Variants in SLCO3A1 observed in about 807,000 individuals in gnomAD.
SLCO3A1 encodes the protein solute carrier organic anion transporter family member 3A1, also known as PGE1 transporter.
In SLCO3A1, 27 loss-of-function variants were observed where a neutral mutation model predicts 63.1. The ratio of observed to expected loss-of-function variants is 0.43; its 90% CI spans 0.32 to 0.59. The LOEUF (loss-of-function observed/expected upper bound fraction) is 0.59. Among genes scored for constraint, SLCO3A1 ranks in the 20% least tolerant of loss-of-function variants. The pLI, the probability that SLCO3A1 is intolerant of heterozygous loss-of-function variation, is 0.09. For synonymous variants in SLCO3A1, 473 were observed against 409.9 expected (o/e 1.15, Z -1.86); for missense variants, 773 against 945.8 (o/e 0.82, Z 2.40).
At chr15:92,124,724 A>G (rs1326093602) in intron 5 of SLCO3A1, among the ~76,000 whole-genome samples, 1 of 152,198 alleles carries the variant, frequency 6.6e-6, no homozygotes, top group East Asian at 1.9e-4. Flanking sequence ...CCATGAAAAC[A>G]GTATGGAATC....
At chr15:92,157,796 G>T (rs1340415862) in intron 9 of SLCO3A1, among the ~76,000 whole-genome samples, 2 of 152,064 alleles carry the variant, frequency 1.3e-5, no homozygotes, top group African/African-American at 2.4e-5. Context: ...TTTTTGGAGC[G>T]CCCACCCTGT....
At chr15:92,124,848 A>C (rs897074755) in intron 5 of SLCO3A1, among the ~76,000 whole-genome samples, 1 of 152,184 alleles carries the variant, frequency 6.6e-6, no homozygotes, top group African/African-American at 2.4e-5. Flanking sequence ...AGGGAACTGC[A>C]CGTGCAAAGC....
chr15:92,064,635 C>T (rs976016640), intron 2 of SLCO3A1, among the ~76,000 whole-genome samples: 1 of 152,166 alleles, frequency 6.6e-6, no homozygotes, highest in Admixed American at 6.5e-5. Context: ...TAGTACCCAT[C>T]AACGGATGAA....
At chr15:91,969,819 G>C (rs139080098) in intron 2 of SLCO3A1, among the ~76,000 whole-genome samples, 394 of 152,246 alleles carry the variant, frequency 2.6e-3, no homozygotes, top group African/African-American at 8.9e-3. Flanking sequence ...TGGTTTCCTG[G>C]TGGCGGGGGC....
intron 9 of SLCO3A1, chr15:92,162,497 CTG>C (rs1491429819): frequency 8.4e-6 from 4 of 477,212 alleles, no homozygotes; most frequent in Admixed American, 3.9e-5. Context: ...CTGGTGAAGA[CTG>C]TAGTATTATC....
rs560204846 is a variant in SLCO3A1, at chr15:91,942,601, C to T, written c.646+26143C>T. Among the ~76,000 whole-genome samples, 6 of 152,002 alleles carry T rather than the reference C, an allele frequency of 3.9e-5. No homozygotes were observed. The highest frequency in any genetic ancestry group is 3.4e-3 in the Middle Eastern group (1 of 294). On this transcript the variant is annotated intron_variant, in intron 2 of 9. Transcript: ENST00000318445. The surrounding 1 kb of genome is among the most constrained non-coding windows in gnomAD (Gnocchi z 4.1). ...TGTTTGTTTGTTTGTTTGTTTGTTT[C>T]GAGACCGAGTCTTGCTCTGTCGACC...
chr15:92,162,727 G>C, intron 9 of SLCO3A1, 29 bp from the exon 10 acceptor site: 8 of 1,587,606 alleles, frequency 5.0e-6, no homozygotes, highest in Non-Finnish European at 6.9e-6. Flanking sequence ...ACCAGATCCA[G>C]AACCTTAACA....
At chr15:91,938,901 G>A (rs745758732) in intron 2 of SLCO3A1, among the ~76,000 whole-genome samples, 18 of 152,170 alleles carry the variant, frequency 1.2e-4, no homozygotes, top group Non-Finnish European at 1.9e-4. Context: ...ATCCTAGTCC[G>A]GAGAAGTTGG....
chr15:92,091,759 G>A (rs1172023820), intron 2 of SLCO3A1, among the ~76,000 whole-genome samples: 1 of 152,220 alleles, frequency 6.6e-6, no homozygotes, highest in Non-Finnish European at 1.5e-5. Flanking sequence ...GGAGGAAGAT[G>A]CCTTTTATAC....
chr15:92,118,291 G>A (rs1448852047), intron 4 of SLCO3A1, among the ~76,000 whole-genome samples: 1 of 152,196 alleles, frequency 6.6e-6, no homozygotes, highest in Non-Finnish European at 1.5e-5. Flanking sequence ...CACCAGCTCT[G>A]GTTATCATCT....
chr15:91,907,192 C>G (rs576471078), intron 1 of SLCO3A1, among the ~76,000 whole-genome samples: 1 of 152,152 alleles, frequency 6.6e-6, no homozygotes, highest in African/African-American at 2.4e-5. Context: ...AAGGACAGAC[C>G]AAGGAGGCCT....
rs1468170198 is a variant in SLCO3A1 at position 92,104,261 on chromosome 15, T to C, written c.746-18T>C. 1 of 1,613,708 alleles carries C rather than the reference T, an allele frequency of 6.2e-7. No homozygotes were observed. On this transcript the variant is annotated intron_variant, in intron 3 of 9. Coordinates refer to ENST00000318445, the MANE Select transcript of SLCO3A1 (RefSeq NM_013272.4). ...CAGCCTTCTTTTCTCCACTAAGCTG[T>C]GCTCTTTCCATTTACAGGTAACCTG...
At chr15:92,043,621 T>C (rs1418131162) in intron 2 of SLCO3A1, among the ~76,000 whole-genome samples, 1 of 152,250 alleles carries the variant, frequency 6.6e-6, no homozygotes, top group African/African-American at 2.4e-5. Context: ...TAGACAAGTT[T>C]TATTTCATTT....
rs1158309982 is a variant in SLCO3A1, at chr15:92,126,169, A to G, written c.1283A>G (p.Asn428Ser). 1.5e-5 allele frequency: 24 copies of G among 1,613,920 alleles called. No individual in the cohort carries two copies. Among genetic ancestry groups the G allele is most frequent in the Non-Finnish European group, 2.0e-5 (24 of 1,179,974 alleles). Residue 428 changes from asparagine (N) to serine (S), a missense_variant, in exon 6 of 10, where the codon AAC (asparagine) becomes AGC (serine). This residue lies in a region of SLCO3A1 where 565 missense variants were observed against 749.8 expected (regional missense o/e 0.75). Transcript: ENST00000318445. ...LGAIRMAMLVNLVSTACYVSF... is the reference protein window; with the variant it reads ...LGAIRMAMLVSLVSTACYVSF... ...GCCATTCGGATGGCCATGCTCGTCA[A>G]CCTGGTGTCCACTGCTTGCTACGTC...
chr15:92,070,547 G>A (rs900387499), intron 2 of SLCO3A1, among the ~76,000 whole-genome samples: 14 of 152,232 alleles, frequency 9.2e-5, no homozygotes, highest in African/African-American at 3.1e-4. Flanking sequence ...GGAGGCTGAG[G>A]CAGGAGAATT....
intron 2 of SLCO3A1, among the ~76,000 whole-genome samples, chr15:91,973,603 A>G (rs760791271): frequency 6.6e-6 from 1 of 152,098 alleles, no homozygotes; most frequent in Non-Finnish European, 1.5e-5. Flanking sequence ...GAGCTTCTCA[A>G]CCTGGGTGCT....
At chr15:92,143,856 G>T (rs931125501) in intron 7 of SLCO3A1, among the ~76,000 whole-genome samples, 1 of 152,110 alleles carries the variant, frequency 6.6e-6, no homozygotes, top group South Asian at 2.1e-4. Context: ...GCACAGGTGG[G>T]TGAGTCAGAG....
At chr15:92,017,579 A>G (rs995090768) in intron 2 of SLCO3A1, among the ~76,000 whole-genome samples, 1 of 152,122 alleles carries the variant, frequency 6.6e-6, no homozygotes, top group Non-Finnish European at 1.5e-5. Flanking sequence ...AGGGTTGCTG[A>G]CACAAAATAG....
Position 91,858,483 on chromosome 15 carries a change from G to A in SLCO3A1, c.180+4395G>A, listed in dbSNP as rs551996926. Among the ~76,000 whole-genome samples, 19 of 152,102 alleles carry A rather than the reference G, an allele frequency of 1.2e-4. No homozygotes were observed. In the East Asian group the frequency reaches 3.7e-3, roughly 29 times the overall value. On this transcript the variant is annotated intron_variant, in intron 1 of 9. Transcript: ENST00000318445. The stretch of plus-strand genomic sequence containing the variant: ...CAGCCAGGTTTGTGTATTTATCTTT[G>A]TTTGTGAGGGGGTTTTTGTTGGTGT...
Sources: gnomAD v4.1 joint callset for allele counts (sites outside exome capture counted in the v4.1 genomes callset) on GRCh38, gnomAD v4.1.1 for gene constraint, gnomAD v4.1.1 regional missense constraint, Gnocchi (gnomAD v3.1) non-coding constraint, MANE v1.5 for transcripts, NCBI Gene and HGNC (gene_info 2026-07-23, HGNC 2026-07-21) for gene names.